ACYP1: variants seen among roughly 807,000 people sequenced by gnomAD.
ACYP1 encodes the protein acylphosphatase 1.
A neutral mutation model predicts 10.4 loss-of-function variants in ACYP1; 8 were observed. The ratio of observed to expected loss-of-function variants is 0.77; its 90% CI spans 0.45 to 1.38. ACYP1 has a LOEUF of 1.38. ACYP1 is among the 40% of genes most tolerant of loss of function. The pLI is 0.00. For synonymous variants in ACYP1, 38 were observed against 40.8 expected (o/e 0.93, Z 0.26); for missense variants, 93 against 117.3 (o/e 0.79, Z 0.96).
At chr14:75,063,615 A>T in intron 1 of ACYP1, 54 bp from the exon 2 acceptor site, 2 of 1,490,686 alleles carry the variant, frequency 1.3e-6, no homozygotes, top group Admixed American at 3.4e-5. Flanking sequence ...CAGGACCCGC[A>T]AGCCTGAGTC....
chr14:75,069,485 C>G, upstream of ACYP1: 1 of 491,524 alleles, frequency 2.0e-6, no homozygotes, highest in East Asian at 3.6e-5. Context: ...TGGCCGGACA[C>G]TGACTGGGTC....
At chr14:75,056,902 G>C (rs1309203735) in intron 2 of ACYP1, among the ~76,000 whole-genome samples, 1 of 151,558 alleles carries the variant, frequency 6.6e-6, no homozygotes, top group Non-Finnish European at 1.5e-5. Flanking sequence ...AAAACCCACT[G>C]CTAACATCAT....
chr14:75,061,698 G>C (rs1449763623), intron 2 of ACYP1: 1 of 1,589,468 alleles, frequency 6.3e-7, no homozygotes, highest in Non-Finnish European at 8.6e-7. Flanking sequence ...ATAACTGGTA[G>C]CAAAGCTAAC....
At chr14:75,063,060 G>C (rs1893067900) in intron 2 of ACYP1, 1 of 157,704 alleles carries the variant, frequency 6.3e-6, no homozygotes, top group Non-Finnish European at 1.4e-5. Flanking sequence ...AGAAAGTGCA[G>C]CAGCTGCAGA....
upstream of ACYP1, among the ~76,000 whole-genome samples, chr14:75,068,328 C>T (rs1262484725): frequency 1.3e-5 from 2 of 151,868 alleles, no homozygotes; most frequent in East Asian, 1.9e-4. Context: ...TTAAAAAACC[C>T]CAAAAACCAA....
intron 2 of ACYP1, among the ~76,000 whole-genome samples, chr14:75,060,936 G>A (rs1892998717): frequency 6.6e-6 from 1 of 152,072 alleles, no homozygotes; most frequent in African/African-American, 2.4e-5. Flanking sequence ...GCATGGTGGT[G>A]CATGCCTGTA....
upstream of ACYP1, among the ~76,000 whole-genome samples, chr14:75,066,586 C>G (rs954042688): frequency 6.6e-6 from 1 of 152,136 alleles, no homozygotes; most frequent in Admixed American, 6.5e-5. Context: ...ACTCAATAGG[C>G]CAGGCGTGAT....
chr14:75,069,345 A>G (rs915802451), exon 1 of ACYP1: 29 of 1,315,276 alleles, frequency 2.2e-5, no homozygotes, highest in Non-Finnish European at 2.8e-5. Flanking sequence ...TTTGCCAGAC[A>G]AGGGCACACC....
intron 2 of ACYP1, among the ~76,000 whole-genome samples, chr14:75,055,079 CTTTTTTTTTTTT>C (rs33920224): frequency 2.7e-5 from 2 of 75,084 alleles, no homozygotes; most frequent in South Asian, 6.3e-4. Flanking sequence ...TATCTGAACT[CTTTTTTTTTTTT>C]TTTTTTTTTT....
intron 2 of ACYP1, among the ~76,000 whole-genome samples, chr14:75,057,986 A>AAAAAAAAAAAAAAC (rs1391197471): frequency 6.8e-6 from 1 of 148,004 alleles, no homozygotes; most frequent in Non-Finnish European, 1.5e-5. Flanking sequence ...AAAAAAAAAA[A>AAAAAAAAAAAAAAC]AAGAACTACC....
exon 1 of ACYP1, chr14:75,069,376 T>C: frequency 9.0e-7 from 1 of 1,110,908 alleles, no homozygotes; most frequent in South Asian, 1.8e-5. Flanking sequence ...GGAGCGTCGT[T>C]CTCAGAAAAG....
chr14:75,066,397 G>T (rs564744244), upstream of ACYP1, among the ~76,000 whole-genome samples: 66 of 151,650 alleles, frequency 4.4e-4, no homozygotes, highest in Non-Finnish European at 7.5e-4. Flanking sequence ...GGGGGGTGGA[G>T]AAATATTTAG....
At chr14:75,066,604 G>A (rs905975596), upstream of ACYP1, among the ~76,000 whole-genome samples, 2 of 152,144 alleles carry the variant, frequency 1.3e-5, no homozygotes, top group African/African-American at 4.8e-5. Flanking sequence ...GATGGCTCAC[G>A]TTTGTAATCC....
rs376049565 is a variant in ACYP1, at chr14:75,058,526, C to G, written c.85-4867G>C. Among the ~76,000 whole-genome samples, 48 of 151,244 alleles carry G rather than the reference C, an allele frequency of 3.2e-4. 3 individuals carry two copies. Among genetic ancestry groups the G allele is most frequent in the Non-Finnish European group, 6.0e-4 (41 of 67,980 alleles). Reference sequence around the variant, plus strand: ...AGACTTCATTGACCCTCCCACCCCCCAGGAAGAGCATTAATCTACTCATGA... The same window carrying G: ...AGACTTCATTGACCCTCCCACCCCCGAGGAAGAGCATTAATCTACTCATGA... On this transcript the variant is annotated intron_variant, in intron 2 of 2. Coordinates refer to ENST00000238618, the MANE Select transcript of ACYP1 (RefSeq NM_001107.5).
At chr14:75,055,795 G>T (rs1189987300) in intron 2 of ACYP1, among the ~76,000 whole-genome samples, 1 of 151,336 alleles carries the variant, frequency 6.6e-6, no homozygotes, top group African/African-American at 2.4e-5. Flanking sequence ...GAAATTAATG[G>T]AAAGCAGAAG....
rs1892979153 is a variant in ACYP1, at chr14:75,060,023, T to G, written c.84+3447A>C. 4 of 371,190 alleles carry G rather than the reference T, an allele frequency of 1.1e-5. No homozygotes were observed. In the East Asian group the frequency reaches 1.6e-4, roughly 15 times the overall value. 23.0% of individuals were successfully genotyped at this position (371,190 alleles called of 1,614,324 possible). On this transcript the variant is annotated intron_variant, in intron 2 of 2. Transcript: ENST00000238618. ...CAGTTTTGCAAGATGAAAAGCGTTC[T>G]GTAGATAAACAGAACAATGTGAATG...
At chr14:75,069,249 C>T (rs952548858) in exon 1 of ACYP1, 2 of 1,494,952 alleles carry the variant, frequency 1.3e-6, no homozygotes, top group African/African-American at 1.5e-5. Flanking sequence ...CGGAGAAAGG[C>T]CAGCAGCAGC....
exon 1 of ACYP1, chr14:75,069,225 C>A (rs556922012): frequency 2.9e-5 from 44 of 1,504,932 alleles, no homozygotes; most frequent in Non-Finnish European, 3.8e-5. Flanking sequence ...GCCCGCCCAG[C>A]GCAGCCGAGC....
Position 75,053,303 on chromosome 14 carries a change from G to A in ACYP1, c.*141C>T, listed in dbSNP as rs1354356016. On this transcript the variant is annotated 3_prime_UTR_variant, in exon 3 of 3. Transcript: ENST00000238618. ...ACAGTGGTAATCCTTCCATCATACAGGTAATATATAATAACATTCAAAAAT... is the reference window on the plus strand; with the variant it reads ...ACAGTGGTAATCCTTCCATCATACAAGTAATATATAATAACATTCAAAAAT... The A allele has an allele frequency of 1.2e-5, 9 of 722,912 alleles. No individual in the cohort carries two copies. The highest frequency in any genetic ancestry group is 2.6e-5 in the East Asian group (1 of 38,034). The allele number at this position is 722,912 out of a possible 1,614,324, so 44.8% of individuals were successfully genotyped here.
Sources: gnomAD v4.1 joint callset for allele counts (sites outside exome capture counted in the v4.1 genomes callset) on GRCh38, gnomAD v4.1.1 for gene constraint, MANE v1.5 for transcripts, NCBI Gene and HGNC (gene_info 2026-07-23, HGNC 2026-07-21) for gene names.